SCFD1: variants seen among roughly 807,000 people sequenced by gnomAD.
SCFD1 encodes the protein sec1 family domain-containing protein 1.
SCFD1 carries 37 observed loss-of-function variants against 103.2 expected under a neutral mutation model. The ratio of observed to expected loss-of-function variants is 0.36; its 90% confidence interval spans 0.28 to 0.47. The LOEUF is 0.47. SCFD1 is among the 20% of genes least tolerant of loss of function. The pLI, the probability that SCFD1 is intolerant of heterozygous loss-of-function variation, is 1.00. For synonymous variants in SCFD1, 264 were observed against 245.0 expected (o/e 1.08, Z -0.73); for missense variants, 639 against 761.2 (o/e 0.84, Z 1.89).
intron 10 of SCFD1, among the ~76,000 whole-genome samples, chr14:30,665,444 A>G (rs1887857418): frequency 6.6e-6 from 1 of 152,240 alleles, no homozygotes; most frequent in African/African-American, 2.4e-5. Flanking sequence ...AAACATGCCA[A>G]ATTGTAAAGA....
intron 7 of SCFD1, among the ~76,000 whole-genome samples, chr14:30,646,743 T>C (rs562150152): frequency 1.3e-5 from 2 of 152,336 alleles, no homozygotes; most frequent in South Asian, 4.1e-4. Context: ...TGAATCCATC[T>C]GGTCCAGGGC....
intron 14 of SCFD1, among the ~76,000 whole-genome samples, chr14:30,684,803 C>CTTTTT (rs780577178): frequency 0.018 from 1,003 of 54,778 alleles, 102 homozygotes; most frequent in African/African-American, 0.079. Context: ...GCAATTGTTT[C>CTTTTT]TTTTTTTTTT....
intron 23 of SCFD1, among the ~76,000 whole-genome samples, chr14:30,734,159 TG>T (rs1444665654): frequency 1.3e-5 from 2 of 152,218 alleles, no homozygotes. Context: ...CAAATTACTT[TG>T]TTCTAGAATA....
chr14:30,635,971 A>C (rs931239343), intron 4 of SCFD1, among the ~76,000 whole-genome samples: 1 of 152,088 alleles, frequency 6.6e-6, no homozygotes, highest in Non-Finnish European at 1.5e-5. Flanking sequence ...GTGGCATCTC[A>C]TTATAGTTTT....
chr14:30,732,607 C>T (rs10149721), intron 23 of SCFD1, among the ~76,000 whole-genome samples: 11,885 of 152,202 alleles, frequency 0.078, 756 homozygotes, highest in African/African-American at 0.17. Context: ...CATTAGAAAC[C>T]TGTGTCAGTA....
intron 7 of SCFD1, among the ~76,000 whole-genome samples, chr14:30,646,147 C>T (rs1885804625): frequency 6.6e-6 from 1 of 152,060 alleles, no homozygotes; most frequent in Non-Finnish European, 1.5e-5. Context: ...CTCAGCCTCC[C>T]GAGTAGCTGG....
intron 23 of SCFD1, among the ~76,000 whole-genome samples, chr14:30,723,664 CTGAG>C (rs1892810618): frequency 6.6e-6 from 1 of 152,152 alleles, no homozygotes; most frequent in East Asian, 1.9e-4. Flanking sequence ...TTTTCTGTTC[CTGAG>C]TTAGTTTGCT....
intron 4 of SCFD1, among the ~76,000 whole-genome samples, chr14:30,637,646 GA>G (rs1884862530): frequency 6.6e-6 from 1 of 151,982 alleles, no homozygotes; most frequent in Admixed American, 6.5e-5. Flanking sequence ...TTTGACTTAA[GA>G]ATTTGCATAA....
intron 17 of SCFD1, among the ~76,000 whole-genome samples, chr14:30,703,885 A>T (rs1891243728): frequency 1.9e-5 from 2 of 108,094 alleles, no homozygotes; most frequent in Non-Finnish European, 4.0e-5. Flanking sequence ...TGGATTTTTG[A>T]TTTTTTCAGA....
At chr14:30,701,508 T>C (rs1385385404) in intron 16 of SCFD1, among the ~76,000 whole-genome samples, 1 of 151,974 alleles carries the variant, frequency 6.6e-6, no homozygotes, top group Non-Finnish European at 1.5e-5. Context: ...TGAGCCAAGA[T>C]TGCTCCACTG....
chr14:30,634,065 C>A, intron 4 of SCFD1, 28 bp downstream of exon 4: 4 of 1,326,682 alleles, frequency 3.0e-6, no homozygotes, highest in Admixed American at 2.3e-5. Flanking sequence ...TTTCTGGACT[C>A]CTGAATTTGG....
rs1888438216 is a variant in SCFD1 at position 30,670,533 on chromosome 14, T to G, written c.995+138T>G. 1.9e-5 allele frequency: 10 copies of G among 537,186 alleles called. 1 individual carries two copies. The South Asian group carries it at 2.6e-4, about 14-fold the overall frequency. The allele number at this position is 537,186 out of a possible 1,614,324, so 33.3% of individuals were successfully genotyped here. ...GAGTGGGGGCTGTAATTAGATAGTC[T>G]GTAGATATTTGTCTTTATTTCTCCA... On this transcript the variant is annotated intron_variant, in intron 11 of 24. Coordinates refer to ENST00000458591, the MANE Select transcript of SCFD1 (RefSeq NM_016106.4).
intron 7 of SCFD1, among the ~76,000 whole-genome samples, chr14:30,648,975 C>CAAA (rs34928852): frequency 5.0e-5 from 5 of 99,478 alleles, no homozygotes; most frequent in Admixed American, 1.0e-4. Flanking sequence ...CACCCCGTCT[C>CAAA]AAAAAAAAAA....
chr14:30,660,985 A>G (rs1211399041), intron 10 of SCFD1, among the ~76,000 whole-genome samples: 1 of 152,168 alleles, frequency 6.6e-6, no homozygotes, highest in Non-Finnish European at 1.5e-5. Flanking sequence ...TCCTTTGAGT[A>G]ACAAATAGTG....
At position 30,683,238 on chromosome 14, in the gene SCFD1, C is replaced by T; in HGVS notation, c.1242+8173C>T. On this transcript the variant is annotated intron_variant, in intron 14 of 24. Coordinates refer to ENST00000458591, the MANE Select transcript of SCFD1 (RefSeq NM_016106.4). ...TCCTGATGTCATACAGGGCAGACCA[C>T]TTGTCCTTCAGGATGTCCAGGCATA... The T allele has an allele frequency of 5.5e-6, 6 of 1,096,694 alleles. No individual in the cohort carries two copies. The East Asian group carries it at 1.0e-4, about 19-fold the overall frequency. The allele number at this position is 1,096,694 out of a possible 1,614,324, so 67.9% of individuals were successfully genotyped here. A position where few individuals can be genotyped will look rare whatever the true frequency, so the allele number is the denominator to read the frequency against.
chr14:30,694,780 A>T lies in SCFD1; in HGVS notation c.1250A>T (p.Lys417Ile), dbSNP rs1385785396. ...ATGTTTATTTTGAAACAGGCAAGAA[A>T]ATTGGATGTATATTTTGAATATGAA... ...TAVLEHIKAR[K>I]LDVYFEYEEK... Residue 417 changes from lysine to isoleucine, a missense_variant, in exon 15 of 25, where the codon AAA becomes ATA. Lys to Ile is a moderately radical substitution (Grantham distance 102). Coordinates refer to ENST00000458591, the MANE Select transcript of SCFD1 (RefSeq NM_016106.4). 1 of 1,579,362 alleles carries T rather than the reference A, an allele frequency of 6.3e-7. No individual in the cohort carries two copies. Among genetic ancestry groups the T allele is most frequent in the Non-Finnish European group, 8.5e-7 (1 of 1,169,972 alleles).
chr14:30,716,076 T>C (rs1892261211), intron 20 of SCFD1, 99 bp downstream of exon 20: 1 of 744,712 alleles, frequency 1.3e-6, no homozygotes. Flanking sequence ...GTGAGCTTAA[T>C]CACAGCAGAA....
At chr14:30,624,828 C>T (rs570697957) in intron 1 of SCFD1, among the ~76,000 whole-genome samples, 6 of 152,128 alleles carry the variant, frequency 3.9e-5, no homozygotes, top group Non-Finnish European at 7.4e-5. Context: ...TTTCTCTTCC[C>T]TCTCCTTGAA....
intron 5 of SCFD1, among the ~76,000 whole-genome samples, chr14:30,638,921 C>G (rs1281710381): frequency 6.6e-6 from 1 of 152,170 alleles, no homozygotes; most frequent in African/African-American, 2.4e-5. Flanking sequence ...CATATACTTT[C>G]TATTCTTTTT....
Sources: gnomAD v4.1 joint callset for allele counts (sites outside exome capture counted in the v4.1 genomes callset) on GRCh38, gnomAD v4.1.1 for gene constraint, MANE v1.5 for transcripts, NCBI Gene and HGNC (gene_info 2026-07-23, HGNC 2026-07-21) for gene names.